The following TMPRSS15 variants were observed in gnomAD, a reference collection of about 807,000 sequenced individuals.
TMPRSS15 encodes the protein transmembrane serine protease 15, also known as enteropeptidase.
Under a neutral mutation model 125.3 loss-of-function variants are expected in TMPRSS15, and 128 were observed. The observed-to-expected ratio is 1.02, with a 90% CI of 0.89 to 1.18. The LOEUF is 1.18. TMPRSS15 is among the 50% of genes most tolerant of loss of function. The probability of loss-of-function intolerance (pLI) is 0.00; values close to 1 mark genes in which losing one functional copy is unlikely to be tolerated. For missense variants in TMPRSS15, 1,283 were observed against 1,212.7 expected, an observed-to-expected ratio of 1.06 and a Z score of -0.86; for synonymous variants, 446 against 423.2, an observed-to-expected ratio of 1.05 and a Z score of -0.66.
At chr21:18,376,791 A>AGTAAAGC (rs2075848624) in intron 5 of TMPRSS15, among the ~76,000 whole-genome samples, 1 of 152,196 alleles carries the variant, frequency 6.6e-6, no homozygotes, top group Non-Finnish European at 1.5e-5. Context: ...TAAGTGGGTT[A>AGTAAAGC]GTAAAGCTTA....
At chr21:18,307,318 TA>T (rs533872520) in intron 18 of TMPRSS15, among the ~76,000 whole-genome samples, 1 of 152,102 alleles carries the variant, frequency 6.6e-6, no homozygotes, top group Non-Finnish European at 1.5e-5. Context: ...TTACAGACAC[TA>T]AAAAATCTGG....
At chr21:18,270,202 A>AAAT (rs1408898905) in intron 24 of TMPRSS15, 78 bp from the exon 25 acceptor site, 3 of 1,233,696 alleles carry the variant, frequency 2.4e-6, no homozygotes, top group Middle Eastern at 2.3e-4. Context: ...TGTATCAAAT[A>AAAT]AATTAAAAAA....
Position 18,397,927 on chromosome 21 carries a change from G to T in TMPRSS15, c.296C>A (p.Ser99Ter). 2 of 1,539,166 alleles carry T rather than the reference G, an allele frequency of 1.3e-6. No individual in the cohort carries two copies. The highest frequency in any genetic ancestry group is 1.2e-5 in the South Asian group (1 of 85,352). The change falls in exon 3 of 25, where the codon TCA becomes TAA. Residue 99 changes from serine to a stop codon, truncating the protein, a stop_gained. Coordinates refer to ENST00000284885, the MANE Select transcript of TMPRSS15 (RefSeq NM_002772.3). LOFTEE classifies it high-confidence loss of function. ...LQQMIDEIFL[S>*]SNLKNEYKNS... is the part of the protein sequence containing the mutation. ...CTTATATTCATTCTTCAGATTGCTT[G>T]ATAGAAAGATCTCATCTATCTAGAA...
chr21:18,335,871 A>C (rs1381023162), intron 13 of TMPRSS15, among the ~76,000 whole-genome samples: 1 of 152,184 alleles, frequency 6.6e-6, no homozygotes, highest in Non-Finnish European at 1.5e-5. Flanking sequence ...AAACATCCTC[A>C]GCCAGGGAAT....
chr21:18,273,479 T>A (rs977367717), intron 24 of TMPRSS15, among the ~76,000 whole-genome samples: 1 of 152,224 alleles, frequency 6.6e-6, no homozygotes, highest in Non-Finnish European at 1.5e-5. Flanking sequence ...TATTACCTTA[T>A]GTGGGAGACT....
At chr21:18,324,017 T>C (rs2075265806) in intron 16 of TMPRSS15, among the ~76,000 whole-genome samples, 1 of 152,140 alleles carries the variant, frequency 6.6e-6, no homozygotes, top group Non-Finnish European at 1.5e-5. Context: ...GCTAAGAATT[T>C]TCAGAAAAAT....
At chr21:18,463,838 C>T (rs1978600684) in intron 1 of TMPRSS15, among the ~76,000 whole-genome samples, 1 of 152,042 alleles carries the variant, frequency 6.6e-6, no homozygotes, top group African/African-American at 2.4e-5. Context: ...ACAACCTGCT[C>T]CTGAATGACT....
intron 1 of TMPRSS15, among the ~76,000 whole-genome samples, chr21:18,455,689 T>C (rs1467844567): frequency 2.0e-5 from 3 of 152,168 alleles, no homozygotes; most frequent in Admixed American, 6.6e-5. Context: ...GAAGACCCCC[T>C]TGAGTTCCTC....
chr21:18,414,419 A>G (rs1320354825), intron 1 of TMPRSS15, among the ~76,000 whole-genome samples: 3 of 152,200 alleles, frequency 2.0e-5, no homozygotes, highest in East Asian at 3.9e-4. Context: ...ACAATATCAT[A>G]TTGTTAACTC....
intron 10 of TMPRSS15, among the ~76,000 whole-genome samples, chr21:18,348,986 G>A (rs1043209307): frequency 2.0e-5 from 3 of 152,178 alleles, no homozygotes; most frequent in African/African-American, 7.2e-5. Context: ...AGGGAATTGG[G>A]ACAGAAATAG....
At chr21:18,316,619 G>T (rs543287675) in intron 16 of TMPRSS15, among the ~76,000 whole-genome samples, 4 of 152,170 alleles carry the variant, frequency 2.6e-5, no homozygotes, top group Non-Finnish European at 2.9e-5. Flanking sequence ...AGACACAAAA[G>T]GAAAATGAAA....
intron 6 of TMPRSS15, among the ~76,000 whole-genome samples, chr21:18,369,973 CGAAA>C (rs1442998336): frequency 7.4e-6 from 1 of 136,014 alleles, no homozygotes; most frequent in Non-Finnish European, 1.6e-5. Flanking sequence ...CTTACTTAAA[CGAAA>C]AAAAAAAAAA....
chr21:18,433,215 A>T (rs186162690), intron 1 of TMPRSS15, among the ~76,000 whole-genome samples: 1 of 152,288 alleles, frequency 6.6e-6, no homozygotes, highest in East Asian at 1.9e-4. Flanking sequence ...AAAACATTTT[A>T]GTGTCTCAAA....
intron 18 of TMPRSS15, among the ~76,000 whole-genome samples, chr21:18,299,291 G>A (rs2074939263): frequency 6.6e-6 from 1 of 152,174 alleles, no homozygotes; most frequent in Non-Finnish European, 1.5e-5. Flanking sequence ...AGTCTGGAAT[G>A]CTCCAGATCA....
upstream of TMPRSS15, among the ~76,000 whole-genome samples, chr21:18,407,589 G>T (rs1342799379): frequency 1.3e-5 from 2 of 151,524 alleles, no homozygotes; most frequent in Admixed American, 6.6e-5. Context: ...TGGGGCTAAA[G>T]GTGTGTGCCA....
At chr21:18,481,015 C>G (rs892396804) in intron 1 of TMPRSS15, among the ~76,000 whole-genome samples, 1 of 151,812 alleles carries the variant, frequency 6.6e-6, no homozygotes, top group Admixed American at 6.6e-5. Flanking sequence ...GTCTGAAATA[C>G]TGTGGTCTTG....
Position 18,403,417 on chromosome 21 carries a change from G to A in TMPRSS15, c.145+61C>T, listed in dbSNP as rs2076114865. ...AATAAAATAGACTTACAGAATAACT[G>A]ACACTAAAGTGTGTACATTCAGCTG... On this transcript the variant is annotated intron_variant, in intron 1 of 24. Transcript: ENST00000284885. 63 of 1,605,818 alleles carry A rather than the reference G, an allele frequency of 3.9e-5. No homozygotes were observed. In the South Asian group the frequency reaches 6.8e-4, roughly 17 times the overall value.
chr21:18,380,393 T>C (rs919627999), intron 4 of TMPRSS15: 4 of 347,804 alleles, frequency 1.2e-5, no homozygotes, highest in Non-Finnish European at 2.4e-5. Context: ...ACGAATTATG[T>C]TATTCCTAAC....
chr21:18,312,869 C>T (rs1240080584), intron 18 of TMPRSS15, 76 bp downstream of exon 18: 1 of 1,564,478 alleles, frequency 6.4e-7, no homozygotes, highest in Non-Finnish European at 8.8e-7. Context: ...AATTTTAAAG[C>T]TCTTATTAAA....
Sources: allele counts gnomAD v4.1 joint callset (sites outside exome capture counted in the v4.1 genomes callset), GRCh38; gene constraint gnomAD v4.1.1; transcripts MANE v1.5; gene names NCBI Gene and HGNC (gene_info 2026-07-23, HGNC 2026-07-21).